RARS2: variants seen among roughly 807,000 people sequenced by gnomAD.
RARS2 encodes the protein probable arginine--tRNA ligase, mitochondrial.
In RARS2, 67 loss-of-function variants were observed where a neutral mutation model predicts 88.5. The ratio of observed to expected loss-of-function variants is 0.76; its 90% CI spans 0.62 to 0.93. RARS2 has a LOEUF of 0.93. RARS2 is among the 40% of genes least tolerant of loss of function. RARS2 has a pLI of 0.00. For synonymous variants in RARS2, 239 were observed against 230.3 expected, an observed-to-expected ratio of 1.04 and a Z score of -0.34; for missense variants, 664 against 684.2, an observed-to-expected ratio of 0.97 and a Z score of 0.33.
intron 6 of RARS2, 90 bp downstream of exon 6, chr6:87,548,501 T>G: frequency 7.7e-7 from 1 of 1,305,732 alleles, no homozygotes; most frequent in Non-Finnish European, 1.1e-6. Context: ...TTTTTGCTAT[T>G]TTGTTATTTA....
intron 19 of RARS2, 53 bp from the exon 20 acceptor site, chr6:87,514,552 C>A (rs1392718597): frequency 1.1e-5 from 15 of 1,405,970 alleles, no homozygotes; most frequent in South Asian, 2.3e-5. Flanking sequence ...GGAATGTATT[C>A]AATACATGAG....
intron 12 of RARS2, among the ~76,000 whole-genome samples, chr6:87,521,180 G>A (rs1389324448): frequency 6.6e-6 from 1 of 152,034 alleles, no homozygotes; most frequent in African/African-American, 2.4e-5. Flanking sequence ...GCCCAAATCA[G>A]AATTGAAAAA....
chr6:87,558,053 T>C lies in RARS2; in HGVS notation c.298-2548A>G, dbSNP rs191659538. On this transcript the variant is annotated intron_variant, in intron 4 of 19. Transcript: ENST00000369536. The stretch of plus-strand genomic sequence containing the variant: ...TTAGCCAGGTGTGGTGGTAGGCGCC[T>C]GTAACCCCAGCTACTTGGGAAGCTG... Among the ~76,000 whole-genome samples, 889 of 152,116 alleles carry C rather than the reference T, an allele frequency of 5.8e-3. 7 individuals are homozygous for C. Among genetic ancestry groups the C allele is most frequent in the South Asian group, 0.014 (67 of 4,822 alleles).
intron 1 of RARS2, among the ~76,000 whole-genome samples, chr6:87,588,438 G>A (rs923469995): frequency 6.6e-5 from 10 of 152,060 alleles, no homozygotes; most frequent in African/African-American, 2.4e-4. Flanking sequence ...CACAATCATA[G>A]CTCACTGTAG....
At chr6:87,576,283 T>C (rs1771510212) in intron 1 of RARS2, among the ~76,000 whole-genome samples, 1 of 98,664 alleles carries the variant, frequency 1.0e-5, no homozygotes, top group Admixed American at 1.1e-4. Flanking sequence ...TCTTTTTTTT[T>C]TTTTTTTTTT....
intron 10 of RARS2, among the ~76,000 whole-genome samples, chr6:87,528,295 C>T (rs762905603): frequency 5.3e-5 from 8 of 150,248 alleles, no homozygotes; most frequent in Non-Finnish European, 8.9e-5. Context: ...TAAAAGGGAA[C>T]CCTTGTACAC....
chr6:87,526,379 T>C (rs1775708496), intron 10 of RARS2, among the ~76,000 whole-genome samples: 1 of 151,876 alleles, frequency 6.6e-6, no homozygotes, highest in African/African-American at 2.4e-5. Flanking sequence ...TAGCTGGGTG[T>C]GGTGGCACAT....
Position 87,530,863 on chromosome 6 carries a change from T to C in RARS2, c.692A>G (p.Glu231Gly). The change falls in exon 9 of 20, where the codon GAA becomes GGA. Residue 231 changes from glutamate (E) to glycine (G), a missense_variant. Coordinates refer to ENST00000369536, the MANE Select transcript of RARS2 (RefSeq NM_020320.5). ...KAAQEFFQRL[E>G]LGDVQALSLW... ...TGAAAGTGCTTGCACATCGCCCAGT[T>C]CCAATCGTTGGAAGAACTCCTGTGC... 1 of 1,614,208 alleles carries C rather than the reference T, an allele frequency of 6.2e-7. No homozygotes were observed. The highest frequency in any genetic ancestry group is 8.5e-7 in the Non-Finnish European group (1 of 1,180,032).
chr6:87,567,068 A>G (rs568483134), intron 2 of RARS2, among the ~76,000 whole-genome samples: 8 of 152,042 alleles, frequency 5.3e-5, no homozygotes, highest in Non-Finnish European at 1.0e-4. Flanking sequence ...CCTGGCCAAC[A>G]TGGTGAAACC....
intron 1 of RARS2, among the ~76,000 whole-genome samples, chr6:87,574,287 G>A (rs759394984): frequency 3.3e-5 from 5 of 152,182 alleles, no homozygotes; most frequent in Non-Finnish European, 5.9e-5. Flanking sequence ...ATCAGGGCTA[G>A]TTTGCAAAAA....
intron 8 of RARS2, among the ~76,000 whole-genome samples, chr6:87,538,282 T>A (rs1471621411): frequency 6.6e-6 from 1 of 152,208 alleles, no homozygotes; most frequent in South Asian, 2.1e-4. Flanking sequence ...TTAAATGCAG[T>A]TTCCCAGTGA....
At chr6:87,557,070 A>G (rs951044705) in intron 4 of RARS2, among the ~76,000 whole-genome samples, 30 of 152,008 alleles carry the variant, frequency 2.0e-4, no homozygotes, top group Middle Eastern at 3.2e-3. Context: ...CAGCCAGTAC[A>G]TAACAATCGA....
At chr6:87,568,424 C>T (rs865864363) in intron 2 of RARS2, among the ~76,000 whole-genome samples, 3 of 151,870 alleles carry the variant, frequency 2.0e-5, no homozygotes, top group Admixed American at 6.6e-5. Flanking sequence ...CACTTGAGCA[C>T]GGGAGTTTGA....
chr6:87,532,873 A>G (rs746842027), intron 8 of RARS2, among the ~76,000 whole-genome samples: 5 of 152,228 alleles, frequency 3.3e-5, no homozygotes, highest in Non-Finnish European at 7.3e-5. Context: ...TTGGTAAAGT[A>G]TGGGAAAACA....
intron 1 of RARS2, among the ~76,000 whole-genome samples, chr6:87,575,549 G>C (rs1210597591): frequency 6.6e-6 from 1 of 152,104 alleles, no homozygotes; most frequent in African/African-American, 2.4e-5. Context: ...AGGCTCCAGA[G>C]AGGATGAGGT....
At chr6:87,573,108 T>C (rs1770302409) in intron 1 of RARS2, among the ~76,000 whole-genome samples, 1 of 152,178 alleles carries the variant, frequency 6.6e-6, no homozygotes, top group Non-Finnish European at 1.5e-5. Context: ...GACTGGCTAA[T>C]TCATGAGGAA....
intron 11 of RARS2, among the ~76,000 whole-genome samples, chr6:87,522,553 C>T (rs769545431): frequency 8.6e-5 from 13 of 151,990 alleles, no homozygotes; most frequent in South Asian, 8.3e-4. Context: ...AAAAATTTCT[C>T]GATCTTTCAA....
rs1225627525 is a variant in RARS2 at position 87,520,467 on chromosome 6, C to T, written c.1036-211G>A. ...GGAAATAAGAGCCATACAACTCCAC[C>T]GAGTCAGTAGGAAATGTGAACTTCA... On this transcript the variant is annotated intron_variant, in intron 12 of 19. Coordinates refer to ENST00000369536, the MANE Select transcript of RARS2 (RefSeq NM_020320.5). 2.0e-5 allele frequency among the ~76,000 whole-genome samples: 3 copies of T among 152,056 alleles called. 1 individual carries two copies. The highest frequency in any genetic ancestry group is 4.1e-4 in the South Asian group (2 of 4,826).
chr6:87,522,720 G>C (rs1475760716), intron 11 of RARS2, among the ~76,000 whole-genome samples: 1 of 152,080 alleles, frequency 6.6e-6, no homozygotes, highest in African/African-American at 2.4e-5. Context: ...CAAACTCCTG[G>C]CCTCAGGTGA....
Sources: allele counts gnomAD v4.1 joint callset (sites outside exome capture counted in the v4.1 genomes callset), GRCh38; gene constraint gnomAD v4.1.1; transcripts MANE v1.5; gene names NCBI Gene and HGNC (gene_info 2026-07-23, HGNC 2026-07-21).